The following CNOT6 variants were observed in gnomAD, a reference collection of about 807,000 sequenced individuals.
CNOT6 encodes the protein CCR4-NOT transcription complex subunit 6, also known as carbon catabolite repression 4 protein.
A neutral mutation model predicts 61.2 loss-of-function variants in CNOT6; 12 were observed. That is an observed-to-expected ratio of 0.20 (90% confidence interval 0.13 to 0.32). The LOEUF (loss-of-function observed/expected upper bound fraction) is 0.32. Among genes scored for constraint, CNOT6 ranks in the 10% least tolerant of loss-of-function variants. The pLI, the probability that CNOT6 is intolerant of heterozygous loss-of-function variation, is 1.00. For synonymous variants in CNOT6, 225 were observed against 240.6 expected (o/e 0.94, Z 0.60); for missense variants, 405 against 663.9 (o/e 0.61, Z 4.28).
intron 1 of CNOT6, among the ~76,000 whole-genome samples, chr5:180,503,601 CTTTTTTTTTT>C (rs56187510): frequency 3.0e-5 from 2 of 66,136 alleles, no homozygotes; most frequent in Admixed American, 2.2e-4. Flanking sequence ...GCCCTACTTC[CTTTTTTTTTT>C]TTTTTTTTTT....
At chr5:180,567,293 G>A (rs1034533717) in intron 8 of CNOT6, 51 bp downstream of exon 8, 7 of 1,511,320 alleles carry the variant, frequency 4.6e-6, no homozygotes, top group African/African-American at 1.4e-5. Context: ...TTTGCAGGGT[G>A]GGGGCCAAGG....
intron 7 of CNOT6, among the ~76,000 whole-genome samples, chr5:180,566,436 G>C (rs1324717838): frequency 6.6e-6 from 1 of 152,120 alleles, no homozygotes; most frequent in Non-Finnish European, 1.5e-5. Context: ...CCAAGGGTCT[G>C]AAGTTATGAT....
chr5:180,567,443 C>G (rs1332026028), intron 8 of CNOT6, among the ~76,000 whole-genome samples: 1 of 152,140 alleles, frequency 6.6e-6, no homozygotes, highest in African/African-American at 2.4e-5. Context: ...TAAAGTACTG[C>G]TGTTTCTTCA....
rs1760173264 is a variant in CNOT6, at chr5:180,561,356, T to TGTG, written c.386-3133_386-3132insGTG. Among the ~76,000 whole-genome samples the TGTG allele has an allele frequency of 1.9e-4, 27 of 144,844 alleles. 1 individual carries two copies. The highest frequency in any genetic ancestry group is 6.2e-4 in the African/African-American group (24 of 38,846). On this transcript the variant is annotated intron_variant, in intron 4 of 11. Coordinates refer to ENST00000261951, the MANE Select transcript of CNOT6 (RefSeq NM_001370472.1). ...CAGTCTTCCTGTTTTCTTGTGTGTT[T>TGTG]TGTGTGTGTGTGTGTGTGTGTGTGT...
At chr5:180,542,352 C>T (rs1251491283) in intron 2 of CNOT6, among the ~76,000 whole-genome samples, 1 of 151,894 alleles carries the variant, frequency 6.6e-6, no homozygotes, top group African/African-American at 2.4e-5. Flanking sequence ...GCAAGCTCTG[C>T]CTCCTGGGTT....
chr5:180,500,372 A>G (rs372058492), intron 1 of CNOT6, among the ~76,000 whole-genome samples: 2 of 151,882 alleles, frequency 1.3e-5, no homozygotes, highest in African/African-American at 4.8e-5. Flanking sequence ...TCGGCCTCCC[A>G]AAGTGCTAGG....
At chr5:180,554,307 A>G (rs185074906) in intron 4 of CNOT6, among the ~76,000 whole-genome samples, 2 of 152,122 alleles carry the variant, frequency 1.3e-5, no homozygotes, top group African/African-American at 2.4e-5. Context: ...AGTACCACCT[A>G]CTTGGGAGGC....
chr5:180,556,168 CACAG>C (rs1223888564), intron 4 of CNOT6, among the ~76,000 whole-genome samples: 1 of 152,126 alleles, frequency 6.6e-6, no homozygotes, highest in African/African-American at 2.4e-5. Context: ...ATAAGCCAGA[CACAG>C]ACAAATACAA....
chr5:180,531,708 T>C (rs1758391496), intron 2 of CNOT6, among the ~76,000 whole-genome samples: 1 of 152,068 alleles, frequency 6.6e-6, no homozygotes, highest in African/African-American at 2.4e-5. Flanking sequence ...GAGCACTGAG[T>C]GAGCAAAACT....
Position 180,574,092 on chromosome 5 carries a change from C to T in CNOT6, c.1566C>T (p.Cys522=), listed in dbSNP as rs752777372. ...HWLVENNISG[C]PHPLIPSDHF... The stretch of plus-strand genomic sequence containing the variant: ...TGGTTGAGAATAACATCAGTGGCTG[C>T]CCGCACCCCCTCATCCCCTCTGACC... The change falls in exon 12 of 12, where the codon TGC becomes TGT. Residue 522 remains cysteine (C), a synonymous_variant. Transcript: ENST00000261951. 5 of 1,613,758 alleles carry T rather than the reference C, an allele frequency of 3.1e-6. No homozygotes were observed. In the African/African-American group the frequency reaches 4.0e-5, roughly 13 times the overall value.
At chr5:180,536,118 C>T (rs1235981501) in intron 2 of CNOT6, among the ~76,000 whole-genome samples, 1 of 148,260 alleles carries the variant, frequency 6.7e-6, no homozygotes, top group Non-Finnish European at 1.5e-5. Flanking sequence ...GCCTCAGCCT[C>T]CTGAGTAGCT....
chr5:180,549,095 A>G (rs963251829), intron 2 of CNOT6, among the ~76,000 whole-genome samples: 1 of 152,202 alleles, frequency 6.6e-6, no homozygotes, highest in Non-Finnish European at 1.5e-5. Context: ...TTGTTACCAT[A>G]TAATACAAAA....
intron 2 of CNOT6, among the ~76,000 whole-genome samples, chr5:180,541,589 C>T (rs997678641): frequency 8.0e-5 from 12 of 150,808 alleles, no homozygotes; most frequent in African/African-American, 2.7e-4. Flanking sequence ...GTAGCTGGGA[C>T]TAACAGGCAC....
chr5:180,529,685 G>C (rs984145185), intron 2 of CNOT6, among the ~76,000 whole-genome samples: 5 of 152,202 alleles, frequency 3.3e-5, no homozygotes, highest in Admixed American at 3.3e-4. Context: ...CACATGTGAA[G>C]TGCTAGTGCC....
intron 4 of CNOT6, among the ~76,000 whole-genome samples, chr5:180,558,470 G>T (rs1166378341): frequency 1.3e-5 from 2 of 150,174 alleles, no homozygotes; most frequent in Non-Finnish European, 3.0e-5. Context: ...GCTTTCCAGC[G>T]TAGCCCAGGA....
intron 1 of CNOT6, among the ~76,000 whole-genome samples, chr5:180,505,177 G>A (rs549929487): frequency 5.6e-5 from 8 of 144,104 alleles, no homozygotes; most frequent in Admixed American, 5.0e-4. Context: ...AGCCATCCTG[G>A]TCTCCATCTC....
At chr5:180,502,494 TA>T (rs1484459618) in intron 1 of CNOT6, among the ~76,000 whole-genome samples, 27 of 152,242 alleles carry the variant, frequency 1.8e-4, no homozygotes, top group Non-Finnish European at 8.8e-5. Flanking sequence ...GGTTTGCACT[TA>T]TGTTGTGCTC....
intron 2 of CNOT6, among the ~76,000 whole-genome samples, chr5:180,538,063 G>A (rs541292209): frequency 7.3e-6 from 1 of 136,722 alleles, no homozygotes; most frequent in Admixed American, 7.8e-5. Context: ...TTTTGAGACG[G>A]AGTCTCGCTC....
At chr5:180,505,285 T>G (rs1757079476) in intron 1 of CNOT6, among the ~76,000 whole-genome samples, 2 of 94,326 alleles carry the variant, frequency 2.1e-5, no homozygotes, top group Non-Finnish European at 4.1e-5. Context: ...AGACGGAGTC[T>G]GGCTCTGTCG....
Sources: gnomAD v4.1 joint callset for allele counts (sites outside exome capture counted in the v4.1 genomes callset) on GRCh38, gnomAD v4.1.1 for gene constraint, MANE v1.5 for transcripts, NCBI Gene and HGNC (gene_info 2026-07-23, HGNC 2026-07-21) for gene names.